The following PPFIBP2 variants were observed in gnomAD, a reference collection of about 807,000 sequenced individuals.
PPFIBP2 encodes liprin-beta-2.
Under a neutral mutation model 118.3 loss-of-function variants are expected in PPFIBP2, and 118 were observed. That is an observed-to-expected ratio of 1.00 (90% CI 0.86 to 1.16). The LOEUF (loss-of-function observed/expected upper bound fraction) is 1.16. Among genes scored for constraint, PPFIBP2 ranks in the 50% most tolerant of loss-of-function variants. PPFIBP2 has a pLI of 0.00. For synonymous variants in PPFIBP2, 414 were observed against 397.4 expected, an observed-to-expected ratio of 1.04 and a Z score of -0.50; for missense variants, 1,195 against 1,073.1, an observed-to-expected ratio of 1.11 and a Z score of -1.59.
At chr11:7,599,966 T>G (rs1014998290) in intron 5 of PPFIBP2, among the ~76,000 whole-genome samples, 21 of 152,110 alleles carry the variant, frequency 1.4e-4, no homozygotes, top group African/African-American at 4.6e-4. Flanking sequence ...TTTAGCCCGT[T>G]TATTCTAAAC....
intron 3 of PPFIBP2, among the ~76,000 whole-genome samples, chr11:7,591,775 A>G (rs1285643313): frequency 6.6e-6 from 1 of 152,150 alleles, no homozygotes; most frequent in African/African-American, 2.4e-5. Flanking sequence ...TTCAACAAAC[A>G]ATCAATGAAT....
intron 19 of PPFIBP2, 110 bp downstream of exon 19, chr11:7,649,021 A>G: frequency 7.5e-7 from 1 of 1,325,794 alleles, no homozygotes. Context: ...TGTAAAAAGC[A>G]GAGGAATTAC....
At chr11:7,623,633 A>C (rs1849621169) in intron 7 of PPFIBP2, among the ~76,000 whole-genome samples, 1 of 152,186 alleles carries the variant, frequency 6.6e-6, no homozygotes, top group African/African-American at 2.4e-5. Flanking sequence ...TCATAGTGCC[A>C]CGTGCTAGAT....
intron 3 of PPFIBP2, among the ~76,000 whole-genome samples, chr11:7,590,717 G>A (rs1014584490): frequency 2.0e-5 from 3 of 152,200 alleles, no homozygotes; most frequent in Non-Finnish European, 2.9e-5. Context: ...ACTGTGCCTG[G>A]ACCATATTAT....
intron 1 of PPFIBP2, among the ~76,000 whole-genome samples, chr11:7,531,774 A>C (rs1188321361): frequency 6.6e-6 from 1 of 152,180 alleles, no homozygotes; most frequent in Non-Finnish European, 1.5e-5. Context: ...CTCTAAGATC[A>C]GGGTGTTGGC....
intron 7 of PPFIBP2, among the ~76,000 whole-genome samples, chr11:7,622,656 A>T (rs953227727): frequency 1.3e-5 from 2 of 152,170 alleles, no homozygotes; most frequent in South Asian, 4.1e-4. Context: ...TTTTACAGCT[A>T]TTTGGTACCA....
chr11:7,643,742 C>T (rs7943734), intron 17 of PPFIBP2, among the ~76,000 whole-genome samples: 6 of 152,080 alleles, frequency 3.9e-5, no homozygotes, highest in African/African-American at 1.5e-4. Context: ...ACTGTTGTTG[C>T]TAGTATTCTT....
intron 1 of PPFIBP2, among the ~76,000 whole-genome samples, chr11:7,517,661 C>T (rs1849345134): frequency 1.3e-5 from 2 of 152,206 alleles, no homozygotes; most frequent in South Asian, 2.1e-4. Context: ...GAGACTTGTC[C>T]ATCAATTCCC....
downstream of PPFIBP2, among the ~76,000 whole-genome samples, chr11:7,659,483 T>C (rs1251439118): frequency 1.3e-5 from 2 of 150,098 alleles, no homozygotes; most frequent in East Asian, 3.9e-4. Context: ...CTGAGGGCTC[T>C]GTTGTTCTGT....
intron 2 of PPFIBP2, among the ~76,000 whole-genome samples, chr11:7,556,872 T>G (rs1460204326): frequency 2.0e-5 from 3 of 152,222 alleles, no homozygotes; most frequent in Non-Finnish European, 2.9e-5. Flanking sequence ...TTTTTAAACT[T>G]CTTATTTATC....
At chr11:7,543,679 C>T (rs1056115070) in intron 1 of PPFIBP2, among the ~76,000 whole-genome samples, 1 of 152,196 alleles carries the variant, frequency 6.6e-6, no homozygotes, top group African/African-American at 2.4e-5. Context: ...TGGAATTCAG[C>T]GTGGGTGGAG....
downstream of PPFIBP2, among the ~76,000 whole-genome samples, chr11:7,655,156 G>C (rs529883252): frequency 6.6e-6 from 1 of 152,200 alleles, no homozygotes; most frequent in Non-Finnish European, 1.5e-5. Flanking sequence ...TGACAAGCTT[G>C]TGTCTTGCCT....
chr11:7,617,049 G>A (rs1335869022), intron 6 of PPFIBP2: 1 of 874,930 alleles, frequency 1.1e-6, no homozygotes, highest in South Asian at 5.3e-5. Flanking sequence ...CTCTTAAGGA[G>A]TTCTGCGTCT....
chr11:7,573,063 A>G (rs947753682), intron 3 of PPFIBP2, among the ~76,000 whole-genome samples: 2 of 152,224 alleles, frequency 1.3e-5, no homozygotes, highest in Non-Finnish European at 2.9e-5. Flanking sequence ...TACAGGCATG[A>G]GCCACCATAC....
At chr11:7,663,049 C>T in the PPFIBP2 span, among the ~76,000 whole-genome samples, 1 of 134,624 alleles carries the variant, frequency 7.4e-6, no homozygotes, top group Non-Finnish European at 1.7e-5. Context: ...ATACATTCTT[C>T]TAAATTTTTT....
At chr11:7,649,455 T>C in intron 20 of PPFIBP2, 77 bp from the exon 21 acceptor site, 1 of 1,575,534 alleles carries the variant, frequency 6.3e-7, no homozygotes, top group Non-Finnish European at 8.7e-7. Flanking sequence ...TTGTCTATGC[T>C]TGGTCTGGTG....
rs761453149 is a variant in PPFIBP2, at chr11:7,593,174, C to G, written c.322C>G (p.Gln108Glu). 4.3e-6 allele frequency: 7 copies of G among 1,613,946 alleles called. No homozygotes were observed. Among genetic ancestry groups the G allele is most frequent in the South Asian group, 1.1e-5 (1 of 91,062 alleles). The change falls in exon 4 of 24, where the codon CAG (glutamine) becomes GAG (glutamate). Residue 108 changes from glutamine (Q) to glutamate (E), a missense_variant. Gln to Glu is a conservative substitution (Grantham distance 29). Coordinates refer to ENST00000299492, the MANE Select transcript of PPFIBP2 (RefSeq NM_003621.5). ...CAGTGCTGCTAGTAATGAAACCTACCAGGAACGCTTGGCACGTCTAGAAGG... is the reference window on the plus strand; with the variant it reads ...CAGTGCTGCTAGTAATGAAACCTACGAGGAACGCTTGGCACGTCTAGAAGG... ...HHSAASNETY[Q>E]ERLARLEGDK...
intron 4 of PPFIBP2, chr11:7,597,292 T>C (rs1345300438): frequency 1.3e-6 from 2 of 1,535,592 alleles, no homozygotes; most frequent in Admixed American, 2.0e-5. Flanking sequence ...CCTGTGGCTG[T>C]TGGGTGTTTT....
chr11:7,530,666 G>T (rs1850606992), intron 1 of PPFIBP2, among the ~76,000 whole-genome samples: 1 of 152,218 alleles, frequency 6.6e-6, no homozygotes, highest in African/African-American at 2.4e-5. Flanking sequence ...CATTTCCATT[G>T]TTTGTGAGCT....
Sources: gnomAD v4.1 joint callset for allele counts (sites outside exome capture counted in the v4.1 genomes callset) on GRCh38, gnomAD v4.1.1 for gene constraint, MANE v1.5 for transcripts, NCBI Gene and HGNC (gene_info 2026-07-23, HGNC 2026-07-21) for gene names.